HECW1: variants seen among roughly 807,000 people sequenced by gnomAD.
HECW1 encodes the protein E3 ubiquitin-protein ligase HECW1.
Under a neutral mutation model 182.3 loss-of-function variants are expected in HECW1, and 61 were observed. That is an observed-to-expected ratio of 0.33 (90% CI 0.27 to 0.41). The LOEUF (loss-of-function observed/expected upper bound fraction) is 0.41. HECW1 is among the 10% of genes least tolerant of loss of function. The pLI, the probability that HECW1 is intolerant of heterozygous loss-of-function variation, is 1.00. For missense variants in HECW1, 1,739 were observed against 2,108.9 expected (o/e 0.82, Z 3.44); for synonymous variants, 859 against 832.6 (o/e 1.03, Z -0.55).
chr7:43,212,045 A>C (rs958464515), intron 2 of HECW1, among the ~76,000 whole-genome samples: 4 of 152,252 alleles, frequency 2.6e-5, no homozygotes, highest in African/African-American at 9.6e-5. Context: ...TATTGGAAAC[A>C]ACCCCTACCC....
chr7:43,555,061 CTTAAT>C (rs1199418157), intron 29 of HECW1, among the ~76,000 whole-genome samples: 1 of 152,246 alleles, frequency 6.6e-6, no homozygotes, highest in South Asian at 2.1e-4. Context: ...CATAGCCCAA[CTTAAT>C]TTAAAGATGA....
intron 2 of HECW1, among the ~76,000 whole-genome samples, chr7:43,209,161 G>A (rs1163569201): frequency 3.6e-5 from 5 of 138,156 alleles, no homozygotes; most frequent in Admixed American, 2.2e-4. Context: ...TGAAGCCAGC[G>A]TTAACAGTGG....
chr7:43,499,994 A>T (rs937875539), intron 19 of HECW1, among the ~76,000 whole-genome samples: 1 of 152,080 alleles, frequency 6.6e-6, no homozygotes, highest in African/African-American at 2.4e-5. Context: ...TCTGTGCCCA[A>T]TGTGGCATCA....
intron 6 of HECW1, among the ~76,000 whole-genome samples, chr7:43,384,621 T>A (rs538346901): frequency 1.7e-4 from 26 of 152,324 alleles, no homozygotes; most frequent in African/African-American, 6.0e-4. Context: ...GGGGAAAACG[T>A]TTGCCTTTAA....
intron 2 of HECW1, among the ~76,000 whole-genome samples, chr7:43,174,956 T>C (rs1266263641): frequency 1.3e-5 from 2 of 152,188 alleles, no homozygotes; most frequent in Non-Finnish European, 2.9e-5. Context: ...GGAATAGGTA[T>C]ATGTATATAT....
intron 8 of HECW1, among the ~76,000 whole-genome samples, chr7:43,417,095 G>C (rs2076035431): frequency 6.6e-6 from 1 of 152,208 alleles, no homozygotes; most frequent in Non-Finnish European, 1.5e-5. Flanking sequence ...TGGTCGCCCA[G>C]GCTGGAGTGC....
chr7:43,363,223 A>G (rs1440906321), intron 6 of HECW1, among the ~76,000 whole-genome samples: 1 of 152,200 alleles, frequency 6.6e-6, no homozygotes, highest in Non-Finnish European at 1.5e-5. Flanking sequence ...TTAGGGCAGG[A>G]TAAATTTTCA....
chr7:43,273,833 T>C (rs897729867), intron 3 of HECW1, among the ~76,000 whole-genome samples: 5 of 151,618 alleles, frequency 3.3e-5, no homozygotes, highest in African/African-American at 9.7e-5. Flanking sequence ...CCTTAATATA[T>C]GACAGAAGTT....
chr7:43,125,619 A>G (rs1298481798), intron 2 of HECW1, among the ~76,000 whole-genome samples: 1 of 151,856 alleles, frequency 6.6e-6, no homozygotes, highest in Non-Finnish European at 1.5e-5. Flanking sequence ...TTAGCCGGGC[A>G]TGGTGTCACA....
chr7:43,301,342 C>T (rs1269332548), intron 3 of HECW1, among the ~76,000 whole-genome samples: 1 of 152,224 alleles, frequency 6.6e-6, no homozygotes, highest in Non-Finnish European at 1.5e-5. Flanking sequence ...CTTCCATGTC[C>T]TCCCATCTGG....
chr7:43,255,565 C>A (rs1399124879), intron 3 of HECW1, among the ~76,000 whole-genome samples: 1 of 150,700 alleles, frequency 6.6e-6, no homozygotes, highest in Non-Finnish European at 1.5e-5. Context: ...CCACTGCACT[C>A]CAGCCTGGGT....
intron 17 of HECW1, among the ~76,000 whole-genome samples, chr7:43,491,018 G>A (rs1006142318): frequency 1.3e-5 from 2 of 152,180 alleles, no homozygotes; most frequent in African/African-American, 4.8e-5. Flanking sequence ...CTCCCAAAGT[G>A]CTGGGATTAC....
rs2082225762 is a variant in HECW1, at chr7:43,562,161, T to A, written c.*235T>A. The A allele has an allele frequency of 1.5e-5, 7 of 460,032 alleles. No individual in the cohort carries two copies. The highest frequency in any genetic ancestry group is 2.3e-5 in the Non-Finnish European group (6 of 255,482). 28.5% of individuals were successfully genotyped at this position (460,032 alleles called of 1,614,324 possible). On this transcript the variant is annotated 3_prime_UTR_variant, in exon 30 of 30. Coordinates refer to ENST00000395891, the MANE Select transcript of HECW1 (RefSeq NM_015052.5). Reference sequence around the variant, plus strand: ...TGAACTGCTAGCCTGTATGCAATATTAAAAAACAGCTGTCTCAAGGTCTGT... The same window carrying A: ...TGAACTGCTAGCCTGTATGCAATATAAAAAAACAGCTGTCTCAAGGTCTGT...
chr7:43,182,380 G>A (rs912706359), intron 2 of HECW1, among the ~76,000 whole-genome samples: 6 of 152,200 alleles, frequency 3.9e-5, no homozygotes, highest in African/African-American at 1.4e-4. Flanking sequence ...TGGACATCCA[G>A]TTTTCCCAGC....
At chr7:43,308,768 C>A (rs1312979162) in intron 3 of HECW1, among the ~76,000 whole-genome samples, 1 of 152,024 alleles carries the variant, frequency 6.6e-6, no homozygotes, top group East Asian at 1.9e-4. Flanking sequence ...ATTACAGGCA[C>A]CTGCCAACAC....
At chr7:43,192,117 A>G (rs1793972647) in intron 2 of HECW1, among the ~76,000 whole-genome samples, 1 of 151,922 alleles carries the variant, frequency 6.6e-6, no homozygotes, top group African/African-American at 2.4e-5. Context: ...CTGCCACCAC[A>G]CCCGGCTAAT....
intron 2 of HECW1, among the ~76,000 whole-genome samples, chr7:43,242,317 C>G (rs1032123967): frequency 1.3e-5 from 2 of 152,070 alleles, no homozygotes; most frequent in Non-Finnish European, 2.9e-5. Context: ...TTGGACCACG[C>G]TGGAGGAGGC....
intron 2 of HECW1, among the ~76,000 whole-genome samples, chr7:43,216,314 T>C (rs1008051616): frequency 8.6e-5 from 13 of 151,846 alleles, no homozygotes; most frequent in African/African-American, 3.1e-4. Flanking sequence ...CCCAGCTAAG[T>C]TTTGTATTTT....
intron 18 of HECW1, 135 bp from the exon 19 acceptor site, chr7:43,492,949 A>AT (rs2078985824): frequency 5.4e-6 from 3 of 557,880 alleles, no homozygotes; most frequent in African/African-American, 1.9e-5. Flanking sequence ...AAGAGCTTGC[A>AT]TTTTTTTGAT....
Sources: allele counts gnomAD v4.1 joint callset (sites outside exome capture counted in the v4.1 genomes callset), GRCh38; gene constraint gnomAD v4.1.1; transcripts MANE v1.5; gene names NCBI Gene and HGNC (gene_info 2026-07-23, HGNC 2026-07-21).